The following RANBP2 variants were observed in gnomAD, a reference collection of about 807,000 sequenced individuals.
RANBP2 encodes the protein RAN binding protein 2.
In RANBP2, 57 loss-of-function variants were observed where a neutral mutation model predicts 303.6. The observed-to-expected ratio is 0.19, with a 90% CI of 0.15 to 0.23. The LOEUF (loss-of-function observed/expected upper bound fraction) is 0.23, where lower values mean the gene tolerates loss of function less well. Among genes scored for constraint, RANBP2 ranks in the 10% least tolerant of loss-of-function variants. The pLI is 1.00. For synonymous variants in RANBP2, 1,167 were observed against 1,301.5 expected (o/e 0.90, Z 2.23); for missense variants, 3,138 against 3,780.8 (o/e 0.83, Z 4.46).
At chr2:109,032,597 G>T in the RANBP2 span, among the ~76,000 whole-genome samples, 2 of 147,148 alleles carry the variant, frequency 1.4e-5, no homozygotes, top group South Asian at 2.1e-4. Context: ...GGGGTGGGGT[G>T]GGGGAGTCTT....
At chr2:109,657,800 ACCT>A in the RANBP2 span, among the ~76,000 whole-genome samples, 1 of 145,056 alleles carries the variant, frequency 6.9e-6, no homozygotes, top group Non-Finnish European at 1.5e-5. Context: ...GCTCACTGCA[ACCT>A]CCTCCTCCTG....
the RANBP2 span, among the ~76,000 whole-genome samples, chr2:109,218,296 G>A: frequency 1.3e-5 from 2 of 152,260 alleles, no homozygotes; most frequent in East Asian, 1.9e-4. Context: ...TCTTGCCCCC[G>A]TTTTTGTGGC....
the RANBP2 span, among the ~76,000 whole-genome samples, chr2:108,997,154 T>C: frequency 6.6e-6 from 1 of 152,110 alleles, no homozygotes; most frequent in African/African-American, 2.4e-5. Flanking sequence ...TAAGATGTCC[T>C]AGTATGGCTG....
chr2:109,363,834 C>T, the RANBP2 span, among the ~76,000 whole-genome samples: 3 of 152,126 alleles, frequency 2.0e-5, no homozygotes, highest in East Asian at 1.9e-4. Flanking sequence ...AACTCTTTTC[C>T]TTTGCTCCTT....
At chr2:108,962,699 A>AG in the RANBP2 span, among the ~76,000 whole-genome samples, 838 of 105,242 alleles carry the variant, frequency 8.0e-3, 71 homozygotes, top group African/African-American at 0.023. Flanking sequence ...AAAAAAAAAA[A>AG]AAGAGAGAAA....
the RANBP2 span, among the ~76,000 whole-genome samples, chr2:109,540,548 G>A: frequency 6.6e-6 from 1 of 152,000 alleles, no homozygotes; most frequent in Non-Finnish European, 1.5e-5. Context: ...AATATGGCCA[G>A]GCACAATGGC....
At chr2:109,513,598 G>A in the RANBP2 span, among the ~76,000 whole-genome samples, 191 of 152,130 alleles carry the variant, frequency 1.3e-3, 1 homozygote, top group African/African-American at 4.3e-3. Context: ...ACAAACACAC[G>A]TCCACACACT....
the RANBP2 span, among the ~76,000 whole-genome samples, chr2:109,400,573 G>GCACACA: frequency 0.27 from 38,667 of 144,330 alleles, 6,063 homozygotes; most frequent in Non-Finnish European, 0.35. Context: ...ACACACCTGT[G>GCACACA]CGCACACACA....
chr2:109,014,145 A>T, the RANBP2 span, among the ~76,000 whole-genome samples: 2 of 152,306 alleles, frequency 1.3e-5, no homozygotes, highest in African/African-American at 4.8e-5. Flanking sequence ...AATCCATCAG[A>T]TTATCTCCTG....
the RANBP2 span, among the ~76,000 whole-genome samples, chr2:109,508,664 ACAGC>A: frequency 6.6e-6 from 1 of 151,846 alleles, no homozygotes; most frequent in Non-Finnish European, 1.5e-5. Context: ...AAGCCTGGAG[ACAGC>A]CAGGAAGTGT....
chr2:109,614,663 G>C, the RANBP2 span: 9 of 1,480,370 alleles, frequency 6.1e-6, no homozygotes, highest in African/African-American at 1.3e-4. Flanking sequence ...ACTTCAAGGA[G>C]CTGGTGAACG....
At chr2:109,765,587 G>A in the RANBP2 span, among the ~76,000 whole-genome samples, 1 of 150,168 alleles carries the variant, frequency 6.7e-6, no homozygotes, top group African/African-American at 2.4e-5. Flanking sequence ...TCATGGTGGG[G>A]TGGCATTTGA....
At position 108,766,295 on chromosome 2, in the gene RANBP2, G is replaced by T; in HGVS notation, c.5756G>T (p.Gly1919Val). ...EKKSEKPLENGTGFQAQDISG... is the reference protein window; with the variant it reads ...EKKSEKPLENVTGFQAQDISG... ...AAAAGTGAAAAGCCTCTTGAAAATGGTACTGGCTTCCAGGCTCAGGATATT... is the reference window on the plus strand; with the variant it reads ...AAAAGTGAAAAGCCTCTTGAAAATGTTACTGGCTTCCAGGCTCAGGATATT... Residue 1919 changes from glycine (G) to valine (V), a missense_variant, in exon 20 of 29, where the codon GGT (glycine) becomes GTT (valine). This residue lies in a region of RANBP2 where 348 missense variants were observed against 360.4 expected (regional missense o/e 0.97). Transcript: ENST00000283195. 1 of 1,612,108 alleles carries T rather than the reference G, an allele frequency of 6.2e-7. No individual in the cohort carries two copies. Among genetic ancestry groups the T allele is most frequent in the African/African-American group, 1.3e-5 (1 of 74,972 alleles).
chr2:109,419,549 C>A, the RANBP2 span: 1 of 1,595,776 alleles, frequency 6.3e-7, no homozygotes, highest in Non-Finnish European at 8.5e-7. Flanking sequence ...GATGTCTCCT[C>A]CTCGGCGGGA....
chr2:108,736,824 A>G (rs567138233), intron 6 of RANBP2, among the ~76,000 whole-genome samples: 9 of 152,130 alleles, frequency 5.9e-5, no homozygotes, highest in Non-Finnish European at 1.2e-4. Context: ...AGTTTAGAGC[A>G]GGGGTTGATT....
chr2:109,136,107 C>T, the RANBP2 span, among the ~76,000 whole-genome samples: 1 of 152,148 alleles, frequency 6.6e-6, no homozygotes, highest in Non-Finnish European at 1.5e-5. Flanking sequence ...AGCCTGCCTG[C>T]TTGCTGGAGC....
the RANBP2 span, among the ~76,000 whole-genome samples, chr2:108,955,438 G>A: frequency 2.6e-5 from 4 of 152,150 alleles, no homozygotes; most frequent in African/African-American, 9.7e-5. Flanking sequence ...TATTTGTAGA[G>A]ACATATATAT....
At chr2:109,362,258 A>G in the RANBP2 span, among the ~76,000 whole-genome samples, 2 of 152,320 alleles carry the variant, frequency 1.3e-5, no homozygotes, top group South Asian at 4.1e-4. Context: ...TTGGTAAATT[A>G]CATCTTCATT....
chr2:109,227,836 C>T, the RANBP2 span, among the ~76,000 whole-genome samples: 1 of 152,230 alleles, frequency 6.6e-6, no homozygotes, highest in East Asian at 1.9e-4. Flanking sequence ...CTCTGGCAAT[C>T]TCCCTTGGCC....
Sources: allele counts gnomAD v4.1 joint callset (sites outside exome capture counted in the v4.1 genomes callset), GRCh38; gene constraint gnomAD v4.1.1; regional missense constraint gnomAD v4.1.1; transcripts MANE v1.5; gene names NCBI Gene and HGNC (gene_info 2026-07-23, HGNC 2026-07-21).